Variants in NPAS4 observed in about 807,000 individuals in gnomAD.
NPAS4 encodes the protein neuronal PAS domain protein 4.
Under a neutral mutation model 64.0 loss-of-function variants are expected in NPAS4, and 10 were observed. That is an observed-to-expected ratio of 0.16 (90% CI 0.10 to 0.26). The LOEUF (loss-of-function observed/expected upper bound fraction) is 0.26. Among genes scored for constraint, NPAS4 ranks in the 10% least tolerant of loss-of-function variants. The probability of loss-of-function intolerance (pLI) is 1.00; values close to 1 mark genes in which losing one functional copy is unlikely to be tolerated. For synonymous variants in NPAS4, 441 were observed against 411.7 expected, an observed-to-expected ratio of 1.07 and a Z score of -0.86; for missense variants, 886 against 992.6, an observed-to-expected ratio of 0.89 and a Z score of 1.44.
chr11:66,415,832 A>G, the NPAS4 span, among the ~76,000 whole-genome samples: 2 of 152,222 alleles, frequency 1.3e-5, no homozygotes, highest in East Asian at 1.9e-4. Flanking sequence ...GCATCATAAT[A>G]TCAGTCAAGG....
chr11:66,425,273 G>C lies in NPAS4; in HGVS notation c.2380+3G>C, dbSNP rs1366794860. 1 of 1,493,300 alleles carries C rather than the reference G, an allele frequency of 6.7e-7. No individual in the cohort carries two copies. The highest frequency in any genetic ancestry group is 8.9e-7 in the Non-Finnish European group (1 of 1,120,564). 92.5% of individuals were successfully genotyped at this position (1,493,300 alleles called of 1,614,324 possible). On this transcript the variant is annotated splice_donor_region_variant and intron_variant, in intron 7 of 7. Coordinates refer to ENST00000311034, the MANE Select transcript of NPAS4 (RefSeq NM_178864.4). ...AGTTCAAGACAGCTTCCATGAAGGT[G>C]AGTCAGCCAAAAGGTCCAAGAACTC...
the NPAS4 span, chr11:66,410,221 C>G: frequency 6.6e-6 from 1 of 152,346 alleles, no homozygotes; most frequent in African/African-American, 2.4e-5. Flanking sequence ...TCTCAAGGAG[C>G]TGCGTGGATT....
In NPAS4 at chr11:66,425,176, C is replaced by T. The variant is rs373547152; in HGVS notation, c.2286C>T (p.Thr762=). The change falls in exon 7 of 8, where the codon ACC becomes ACT. Residue 762 remains threonine (T), a synonymous_variant. Coordinates refer to ENST00000311034, the MANE Select transcript of NPAS4 (RefSeq NM_178864.4). ...SFLEDLATYE[T]AFETGVSAFP... ...TGGAGGACCTGGCCACATATGAAACCGCCTTTGAGACAGGTGTCTCAGCAT... is the reference window on the plus strand; with the variant it reads ...TGGAGGACCTGGCCACATATGAAACTGCCTTTGAGACAGGTGTCTCAGCAT... 6.3e-7 allele frequency: 1 copy of T among 1,591,422 alleles called. No homozygotes were observed. Among genetic ancestry groups the T allele is most frequent in the Non-Finnish European group, 8.5e-7 (1 of 1,172,474 alleles).
At chr11:66,418,266 G>A (rs1336237653), upstream of NPAS4, among the ~76,000 whole-genome samples, 1 of 152,098 alleles carries the variant, frequency 6.6e-6, no homozygotes, top group Non-Finnish European at 1.5e-5. Context: ...TGCCACTTGG[G>A]GGAGAGAGTG....
chr11:66,423,453 C>T, intron 5 of NPAS4, 125 bp from the exon 6 acceptor site: 2 of 1,159,364 alleles, frequency 1.7e-6, no homozygotes, highest in Non-Finnish European at 2.5e-6. Context: ...CTGAGTGGTT[C>T]AGGTGAGGGT....
chr11:66,422,950 G>A lies in NPAS4; in HGVS notation c.698+9G>A, dbSNP rs1245243145. On this transcript the variant is annotated intron_variant, in intron 4 of 7. Coordinates refer to ENST00000311034, the MANE Select transcript of NPAS4 (RefSeq NM_178864.4). The stretch of plus-strand genomic sequence containing the variant: ...CTGGACATCTCCGAGAGGTAAGCCT[G>A]GAGTGTTCAGATTCCAAGAGAAAGG... 1 of 1,601,560 alleles carries A rather than the reference G, an allele frequency of 6.2e-7. No individual in the cohort carries two copies.
rs532547102 is a variant in NPAS4, at chr11:66,426,135, G to T, written c.*146G>T. ...CCCAGGCCCTGCAGGATTTTGGGGG[G>T]GGGGAGGTGGGAGGGCAAGGGAGGG... On this transcript the variant is annotated 3_prime_UTR_variant, in exon 8 of 8. Transcript: ENST00000311034. The T allele has an allele frequency of 7.3e-5, 34 of 466,376 alleles. No individual in the cohort carries two copies. Among genetic ancestry groups the T allele is most frequent in the African/African-American group, 6.9e-4 (34 of 49,588 alleles). The allele number at this position is 466,376 out of a possible 1,614,324, so 28.9% of individuals were successfully genotyped here.
intron 2 of NPAS4, 53 bp from the exon 3 acceptor site, chr11:66,422,398 G>T: frequency 6.7e-7 from 1 of 1,499,460 alleles, no homozygotes. Flanking sequence ...GTAGATCAAA[G>T]ATTGGCTCCT....
At chr11:66,418,519 G>C (rs1466372472), upstream of NPAS4, among the ~76,000 whole-genome samples, 1 of 152,160 alleles carries the variant, frequency 6.6e-6, no homozygotes, top group African/African-American at 2.4e-5. Flanking sequence ...AGGGAGAGGA[G>C]ACATTGGGGC....
At chr11:66,422,348 G>A in intron 2 of NPAS4, 77 bp downstream of exon 2, 1 of 1,524,790 alleles carries the variant, frequency 6.6e-7, no homozygotes, top group Non-Finnish European at 9.1e-7. Flanking sequence ...GAGGAACTGG[G>A]AATTACTATG....
chr11:66,419,261 C>A (rs954252544), upstream of NPAS4, among the ~76,000 whole-genome samples: 1 of 152,156 alleles, frequency 6.6e-6, no homozygotes, highest in Non-Finnish European at 1.5e-5. Context: ...GTGACACTGA[C>A]CACAGGATGG....
At chr11:66,422,429 T>G in intron 2 of NPAS4, 22 bp from the exon 3 acceptor site, 1 of 1,570,872 alleles carries the variant, frequency 6.4e-7, no homozygotes, top group Non-Finnish European at 8.8e-7. Context: ...CTAATGGTCA[T>G]CTCTTCTTTT....
At chr11:66,414,997 T>C in the NPAS4 span, among the ~76,000 whole-genome samples, 2 of 152,216 alleles carry the variant, frequency 1.3e-5, no homozygotes, top group Non-Finnish European at 2.9e-5. Flanking sequence ...GACTGGAGGC[T>C]TCGGGAGGCC....
At chr11:66,425,877 C>A in intron 7 of NPAS4, 84 bp from the exon 8 acceptor site, 1 of 1,040,158 alleles carries the variant, frequency 9.6e-7, no homozygotes, top group Non-Finnish European at 1.5e-6. Flanking sequence ...GAAGCCTATA[C>A]TAATACCAAC....
Position 66,424,990 on chromosome 11 carries a change from T to A in NPAS4, c.2100T>A (p.Pro700=). 6.2e-7 allele frequency: 1 copy of A among 1,614,150 alleles called. No homozygotes were observed. The highest frequency in any genetic ancestry group is 1.1e-5 in the South Asian group (1 of 91,074). ...AGGAGCTGGACTTCCTGGCTGACCC[T>A]GATAACATGTTCCTGGAAGAGACGC... ...KCQELDFLAD[P]DNMFLEETPV... The change falls in exon 7 of 8, where the codon CCT becomes CCA. Residue 700 remains proline (P), a synonymous_variant. Coordinates refer to ENST00000311034, the MANE Select transcript of NPAS4 (RefSeq NM_178864.4).
the NPAS4 span, among the ~76,000 whole-genome samples, chr11:66,411,386 G>A: frequency 3.9e-4 from 60 of 152,306 alleles, 3 homozygotes; most frequent in East Asian, 2.3e-3. Context: ...TGCAGAACAC[G>A]CCCAGCAGGC....
the NPAS4 span, chr11:66,409,259 C>T: frequency 2.4e-4 from 35 of 145,046 alleles, no homozygotes; most frequent in African/African-American, 8.7e-4. Flanking sequence ...GCGCCACACG[C>T]CCCCACCACC....
rs758994743 is a variant in NPAS4 at position 66,424,924 on chromosome 11, C to T, written c.2034C>T (p.Gly678=). The change falls in exon 7 of 8, where the codon GGC becomes GGT. Residue 678 remains glycine, a synonymous_variant. Transcript: ENST00000311034. The part of the protein sequence containing the change: ...LDSNLSLSGA[G]PPVLSLDLKP... Reference sequence around the variant, plus strand: ...CCAACCTGTCCCTGTCAGGGGCAGGCCCCCCTGTGCTCAGCCTGGACCTGA... The same window carrying T: ...CCAACCTGTCCCTGTCAGGGGCAGGTCCCCCTGTGCTCAGCCTGGACCTGA... 7 of 1,613,430 alleles carry T rather than the reference C, an allele frequency of 4.3e-6. No individual in the cohort carries two copies. The highest frequency in any genetic ancestry group is 2.2e-5 in the South Asian group (2 of 91,076).
Position 66,424,391 on chromosome 11 carries a change from T to A in NPAS4, c.1501T>A (p.Leu501Met), listed in dbSNP as rs1367370143. 6.2e-7 allele frequency: 1 copy of A among 1,613,956 alleles called. No homozygotes were observed. Among genetic ancestry groups the A allele is most frequent in the African/African-American group, 1.3e-5 (1 of 74,908 alleles). Residue 501 changes from leucine (L) to methionine (M), a missense_variant, in exon 7 of 8, where the codon TTG (leucine) becomes ATG (methionine). By Grantham distance (15) the Leu-to-Met change is conservative. Around this residue, in one of 3 missense-constraint regions of NPAS4, gnomAD observed 820 missense variants for 855.5 expected, o/e 0.96. Coordinates refer to ENST00000311034, the MANE Select transcript of NPAS4 (RefSeq NM_178864.4). ...ETSVRSYEDQ[L>M]TPCTSTFPDQ... ...CTCGGTCAGAAGCTATGAAGACCAG[T>A]TGACTCCCTGCACCTCCACCTTCCC...
Sources: allele counts gnomAD v4.1 joint callset (sites outside exome capture counted in the v4.1 genomes callset), GRCh38; gene constraint gnomAD v4.1.1; regional missense constraint gnomAD v4.1.1; transcripts MANE v1.5; gene names NCBI Gene and HGNC (gene_info 2026-07-23, HGNC 2026-07-21).